KHDC4: variants seen among roughly 807,000 people sequenced by gnomAD.
The protein encoded by KHDC4 is KH homology domain-containing protein 4.
Under a neutral mutation model 74.5 loss-of-function variants are expected in KHDC4, and 19 were observed. That is an observed-to-expected ratio of 0.26 (90% CI 0.18 to 0.37). The LOEUF (loss-of-function observed/expected upper bound fraction) is 0.37, where lower values mean the gene tolerates loss of function less well. KHDC4 is among the 10% of genes least tolerant of loss of function. The pLI is 1.00. For synonymous variants in KHDC4, 253 were observed against 266.1 expected (o/e 0.95, Z 0.48); for missense variants, 632 against 754.1 (o/e 0.84, Z 1.90).
At chr1:155,932,877 T>C (rs1038888493) in intron 2 of KHDC4, among the ~76,000 whole-genome samples, 2 of 152,068 alleles carry the variant, frequency 1.3e-5, no homozygotes, top group Non-Finnish European at 2.9e-5. Flanking sequence ...ACAGAGGTTG[T>C]AGTGAGCCGA....
At chr1:155,919,861 T>A (rs1170495287) in intron 10 of KHDC4, 1 of 254,318 alleles carries the variant, frequency 3.9e-6, no homozygotes, top group East Asian at 1.1e-4. Context: ...TAAAATAAAT[T>A]TGACTAGAGA....
rs777227627 is a variant in KHDC4 at position 155,917,655 on chromosome 1, A to T, written c.1284T>A (p.Pro428=). The change falls in exon 11 of 14, where the codon CCT becomes CCA. Residue 428 remains proline, a synonymous_variant. Transcript: ENST00000368321. ...TTTTGACAGGAGCAGCAGGAATAAA[A>T]GGACCACCCATCGGACTCTGGGACC... ...ASTGQSPMGG[P]FIPAAPVKTA... 107 of 1,569,302 alleles carry T rather than the reference A, an allele frequency of 6.8e-5. No homozygotes were observed. The highest frequency in any genetic ancestry group is 9.1e-5 in the Non-Finnish European group (106 of 1,161,726).
chr1:155,925,499 T>C (rs1430210309), intron 7 of KHDC4, 133 bp downstream of exon 7: 1 of 709,236 alleles, frequency 1.4e-6, no homozygotes, highest in African/African-American at 1.8e-5. Context: ...ATAAAGTAAT[T>C]ACTCCTAGCA....
intron 13 of KHDC4, chr1:155,914,636 G>A (rs1311454884): frequency 1.2e-5 from 3 of 256,932 alleles, no homozygotes; most frequent in African/African-American, 4.5e-5. Context: ...CTTTTAAAGA[G>A]TTAAAAGAAA....
At chr1:155,927,081 C>CG in intron 5 of KHDC4, 23 bp downstream of exon 5, 4 of 1,611,514 alleles carry the variant, frequency 2.5e-6, no homozygotes, top group Non-Finnish European at 3.4e-6. Flanking sequence ...AAAAGTGCTA[C>CG]GTGAGCCAAA....
chr1:155,922,345 C>T (rs146337276), intron 8 of KHDC4, among the ~76,000 whole-genome samples: 3,864 of 152,132 alleles, frequency 0.025, 157 homozygotes, highest in African/African-American at 0.09. Flanking sequence ...GGGGGTTTCA[C>T]GATGTTGGCC....
At chr1:155,933,994 C>T (rs1674198664) in intron 1 of KHDC4, 145 bp from the exon 2 acceptor site, 5 of 697,428 alleles carry the variant, frequency 7.2e-6, no homozygotes, top group Non-Finnish European at 1.1e-5. Context: ...CTCCCCTCTC[C>T]TTAAACAATT....
At chr1:155,927,054 G>GTA in intron 5 of KHDC4, 50 bp downstream of exon 5, 1 of 1,549,736 alleles carries the variant, frequency 6.5e-7, no homozygotes, top group Non-Finnish European at 8.9e-7. Flanking sequence ...ACAGAGCCCT[G>GTA]TACTTTGCTC....
intron 2 of KHDC4, among the ~76,000 whole-genome samples, chr1:155,932,886 G>A (rs1000006697): frequency 3.5e-4 from 53 of 152,078 alleles, no homozygotes; most frequent in Non-Finnish European, 7.6e-4. Flanking sequence ...GTAGTGAGCC[G>A]AGATCACCCC....
intron 10 of KHDC4, among the ~76,000 whole-genome samples, chr1:155,920,198 G>A (rs1348790649): frequency 6.6e-6 from 1 of 152,130 alleles, no homozygotes; most frequent in African/African-American, 2.4e-5. Context: ...CCAGGACTTG[G>A]GGAGGCAGAG....
intron 3 of KHDC4, 28 bp from the exon 4 acceptor site, chr1:155,929,403 A>G: frequency 6.4e-7 from 1 of 1,569,636 alleles, no homozygotes; most frequent in South Asian, 1.1e-5. Flanking sequence ...CAATTAAAAA[A>G]ATGTGGCAAT....
Position 155,926,563 on chromosome 1 carries a change from C to T in KHDC4, c.681+113G>A. 2.5e-6 allele frequency: 3 copies of T among 1,185,262 alleles called. No individual in the cohort carries two copies. The South Asian group carries it at 3.8e-5, about 15-fold the overall frequency. The allele number at this position is 1,185,262 out of a possible 1,614,324, so 73.4% of individuals were successfully genotyped here. On this transcript the variant is annotated intron_variant, in intron 6 of 13. Transcript: ENST00000368321. ...AATTCCTGACCTCAAATGATCCACC[C>T]ACCTTGGCCTCCCAAAGTGCTGGGA...
chr1:155,930,611 C>G (rs1674120484), intron 2 of KHDC4, among the ~76,000 whole-genome samples: 1 of 152,134 alleles, frequency 6.6e-6, no homozygotes, highest in Non-Finnish European at 1.5e-5. Context: ...CTCATGCATA[C>G]AATAGGAAGT....
intron 4 of KHDC4, among the ~76,000 whole-genome samples, chr1:155,928,761 G>A (rs916751868): frequency 6.6e-6 from 1 of 151,768 alleles, no homozygotes; most frequent in Non-Finnish European, 1.5e-5. Context: ...GACCATCCTG[G>A]CTAACACGGT....
At chr1:155,922,764 T>C (rs966091275) in intron 8 of KHDC4, among the ~76,000 whole-genome samples, 2 of 152,008 alleles carry the variant, frequency 1.3e-5, no homozygotes, top group South Asian at 4.1e-4. Flanking sequence ...GTCAAGAAAA[T>C]TATCCGGTAC....
Position 155,914,266 on chromosome 1 carries a change from T to C in KHDC4, c.1700A>G (p.Tyr567Cys). The change falls in exon 14 of 14, where the codon TAT becomes TGT. Residue 567 changes from tyrosine (Y) to cysteine (C), a missense_variant. Transcript: ENST00000368321. ...TTEKGFGLVA[Y>C]AADSSDEEEE... ...CTCTTCATCAGATGAATCTGCAGCA[T>C]AAGCCACCAAGCCAAATCCCTTCTC... 1 of 1,613,828 alleles carries C rather than the reference T, an allele frequency of 6.2e-7. No individual in the cohort carries two copies. The highest frequency in any genetic ancestry group is 8.5e-7 in the Non-Finnish European group (1 of 1,179,960).
chr1:155,918,971 GTTTTTTTTT>G (rs66693073), intron 10 of KHDC4, among the ~76,000 whole-genome samples: 11 of 107,444 alleles, frequency 1.0e-4, no homozygotes, highest in Non-Finnish European at 1.9e-4. Flanking sequence ...CTAACTCCCA[GTTTTTTTTT>G]TTTTTTTTTT....
intron 11 of KHDC4, 181 bp from the exon 12 acceptor site, chr1:155,916,918 T>C (rs555746569): frequency 6.8e-5 from 35 of 516,386 alleles, no homozygotes; most frequent in African/African-American, 5.8e-4. Context: ...TTTTTTTCTC[T>C]ATAGGACTTG....
chr1:155,925,580 G>A, intron 7 of KHDC4, 52 bp downstream of exon 7: 1 of 1,457,788 alleles, frequency 6.9e-7, no homozygotes, highest in South Asian at 1.1e-5. Flanking sequence ...ACTCCTGACT[G>A]TACCAACAAG....
Sources: allele counts gnomAD v4.1 joint callset (sites outside exome capture counted in the v4.1 genomes callset), GRCh38; gene constraint gnomAD v4.1.1; transcripts MANE v1.5; gene names NCBI Gene and HGNC (gene_info 2026-07-23, HGNC 2026-07-21).